Variants in GFPT2 observed in about 807,000 individuals in gnomAD.
GFPT2 encodes the protein glutamine--fructose-6-phosphate aminotransferase [isomerizing] 2.
In GFPT2, 62 loss-of-function variants were observed where a neutral mutation model predicts 85.6. That is an observed-to-expected ratio of 0.72 (90% CI 0.59 to 0.90). The LOEUF (loss-of-function observed/expected upper bound fraction) is 0.90. Among genes scored for constraint, GFPT2 ranks in the 40% least tolerant of loss-of-function variants. The pLI is 0.00. For synonymous variants in GFPT2, 368 were observed against 344.5 expected (o/e 1.07, Z -0.75); for missense variants, 788 against 893.4 (o/e 0.88, Z 1.50).
intron 15 of GFPT2, among the ~76,000 whole-genome samples, chr5:180,309,601 G>A (rs536634679): frequency 6.6e-6 from 1 of 151,930 alleles, no homozygotes; most frequent in Admixed American, 6.5e-5. Context: ...TAGTAGAGAT[G>A]GGGTTTCACT....
chr5:180,304,220 C>G (rs1195802947), intron 17 of GFPT2, among the ~76,000 whole-genome samples: 1 of 152,294 alleles, frequency 6.6e-6, no homozygotes, highest in South Asian at 2.1e-4. Flanking sequence ...TGATTTATAT[C>G]TTTTATAATA....
intron 7 of GFPT2, among the ~76,000 whole-genome samples, chr5:180,326,526 T>C (rs1764214087): frequency 6.6e-6 from 1 of 152,250 alleles, no homozygotes. Context: ...TCCAGTCACG[T>C]TGGCCTGTTT....
intron 13 of GFPT2, among the ~76,000 whole-genome samples, chr5:180,315,813 A>G (rs1367914679): frequency 2.0e-5 from 3 of 152,198 alleles, no homozygotes; most frequent in Admixed American, 6.5e-5. Context: ...GATGGGGTGC[A>G]TGTAGCTTGG....
At chr5:180,319,145 G>A (rs778554607) in intron 9 of GFPT2, among the ~76,000 whole-genome samples, 189 bp from the exon 10 acceptor site, 3 of 152,136 alleles carry the variant, frequency 2.0e-5, no homozygotes, top group East Asian at 3.9e-4. Flanking sequence ...CTGTCCCCAC[G>A]GAATTATTTT....
rs972203088 is a variant in GFPT2 at position 180,323,216 on chromosome 5, C to T, written c.794+972G>A. Among the ~76,000 whole-genome samples, 6 of 152,116 alleles carry T rather than the reference C, an allele frequency of 3.9e-5. No individual in the cohort carries two copies. The highest frequency in any genetic ancestry group is 8.8e-5 in the Non-Finnish European group (6 of 68,020). Reference sequence around the variant, plus strand: ...TTTAGAATCACTGAAATAATACCAGCGTCTCGTTGGTATTCTCGGCGTGTT... The same window carrying T: ...TTTAGAATCACTGAAATAATACCAGTGTCTCGTTGGTATTCTCGGCGTGTT... On this transcript the variant is annotated intron_variant, in intron 9 of 18. Coordinates refer to ENST00000253778, the MANE Select transcript of GFPT2 (RefSeq NM_005110.4). This position sits in a 1 kb window ranked among gnomAD's most constrained non-coding sequence, Gnocchi z 4.0.
intron 15 of GFPT2, among the ~76,000 whole-genome samples, chr5:180,310,132 C>T (rs368428193): frequency 1.7e-3 from 250 of 150,496 alleles, no homozygotes; most frequent in Middle Eastern, 0.014. Context: ...GATGAAGTCT[C>T]GCTCTTGTCG....
chr5:180,315,238 C>G (rs886271391), intron 13 of GFPT2, among the ~76,000 whole-genome samples: 1 of 150,726 alleles, frequency 6.6e-6, no homozygotes, highest in Non-Finnish European at 1.5e-5. Context: ...AGTGCAGTGG[C>G]GCGATCTCAG....
Position 180,316,711 on chromosome 5 carries a change from G to A in GFPT2, c.1152+53C>T, listed in dbSNP as rs974134662. 3.1e-6 allele frequency: 4 copies of A among 1,275,468 alleles called. No homozygotes were observed. The Admixed American group carries it at 5.5e-5, about 17-fold the overall frequency. The allele number at this position is 1,275,468 out of a possible 1,614,324, so 79.0% of individuals were successfully genotyped here. A position where few individuals can be genotyped will look rare whatever the true frequency, so the allele number is the denominator to read the frequency against. The stretch of plus-strand genomic sequence containing the variant: ...ACATGAGTGATAAAACTGAAGGCCA[G>A]TGTCTGGTCCTAGACTGCCGTCGAC... On this transcript the variant is annotated intron_variant, in intron 12 of 18. Transcript: ENST00000253778.
chr5:180,317,705 G>A (rs1581374876), intron 10 of GFPT2, among the ~76,000 whole-genome samples: 3 of 113,174 alleles, frequency 2.7e-5, no homozygotes, highest in South Asian at 6.3e-4. Context: ...CTTGCAGTGA[G>A]CCGAGATCGC....
intron 13 of GFPT2, among the ~76,000 whole-genome samples, chr5:180,315,990 C>T (rs58575540): frequency 0.024 from 3,633 of 152,328 alleles, 116 homozygotes; most frequent in East Asian, 0.14. Flanking sequence ...AAAGGAGATG[C>T]TTTTTCTATT....
chr5:180,317,586 C>G (rs548995476), intron 10 of GFPT2, among the ~76,000 whole-genome samples: 6 of 149,954 alleles, frequency 4.0e-5, no homozygotes, highest in Admixed American at 2.0e-4. Flanking sequence ...AGTGAAACCC[C>G]GTCTCTACTA....
intron 1 of GFPT2, chr5:180,352,362 G>GCA (rs762474206): frequency 7.2e-5 from 30 of 415,840 alleles, no homozygotes; most frequent in Non-Finnish European, 1.1e-4. Context: ...AAAAAAAAGA[G>GCA]CACAGTGACC....
At chr5:180,317,133 A>T in intron 10 of GFPT2, 75 bp from the exon 11 acceptor site, 1 of 970,652 alleles carries the variant, frequency 1.0e-6, no homozygotes, top group Admixed American at 1.7e-5. Context: ...AGCGATAGTA[A>T]CTCCTGTAAA....
At chr5:180,331,711 G>A (rs989913042) in intron 4 of GFPT2, 158 bp from the exon 5 acceptor site, 2 of 655,680 alleles carry the variant, frequency 3.1e-6, no homozygotes, top group Admixed American at 4.9e-5. Flanking sequence ...GATGTTTACG[G>A]CAGCAACTAC....
chr5:180,320,719 A>T (rs566202949), intron 9 of GFPT2, among the ~76,000 whole-genome samples: 8 of 152,332 alleles, frequency 5.3e-5, no homozygotes, highest in Admixed American at 3.9e-4. Flanking sequence ...GTGGGCTGAG[A>T]TTGTGCCACT....
At position 180,318,600 on chromosome 5, in the gene GFPT2, C is replaced by T. The variant is rs1469599215; in HGVS notation, c.958+193G>A. The T allele has an allele frequency of 2.4e-5, 14 of 577,390 alleles. No individual in the cohort carries two copies. Among genetic ancestry groups the T allele is most frequent in the South Asian group, 1.5e-4 (7 of 46,912 alleles). 35.8% of individuals were successfully genotyped at this position (577,390 alleles called of 1,614,324 possible). On this transcript the variant is annotated intron_variant, in intron 10 of 18. Coordinates refer to ENST00000253778, the MANE Select transcript of GFPT2 (RefSeq NM_005110.4). The surrounding 1 kb of genome is among the most constrained non-coding windows in gnomAD (Gnocchi z 4.2). Reference sequence around the variant, plus strand: ...GCGGCTGGCTGCACACAGGAGCCCCCGCTTGGAGGTGCCAGGCCAGCCTCC... The same window carrying T: ...GCGGCTGGCTGCACACAGGAGCCCCTGCTTGGAGGTGCCAGGCCAGCCTCC...
intron 1 of GFPT2, among the ~76,000 whole-genome samples, chr5:180,351,908 C>A (rs958836564): frequency 1.3e-5 from 2 of 152,182 alleles, no homozygotes; most frequent in African/African-American, 4.8e-5. Flanking sequence ...CCCAAGGCCA[C>A]CAGTTTTGGC....
At position 180,330,727 on chromosome 5, in the gene GFPT2, C is replaced by T. The variant is rs765462467; in HGVS notation, c.507G>A (p.Thr169=). The T allele has an allele frequency of 1.9e-6, 3 of 1,613,108 alleles. No homozygotes were observed. The highest frequency in any genetic ancestry group is 1.3e-5 in the African/African-American group (1 of 75,018). The change falls in exon 6 of 19, where the codon ACG becomes ACA. Residue 169 remains threonine, a synonymous_variant. Coordinates refer to ENST00000253778, the MANE Select transcript of GFPT2 (RefSeq NM_005110.4). The surrounding 1 kb of genome is among the most constrained non-coding windows in gnomAD (Gnocchi z 4.4). The part of the protein sequence containing the change: ...NRETEDITFS[T]LVERVIQQLE... ...ACTGCTGAATGACTCTCTCGACCAA[C>T]GTTGAAAACGTAATGTCCTCAGTTT... is the stretch of plus-strand genomic sequence containing the variant.
intron 18 of GFPT2, among the ~76,000 whole-genome samples, chr5:180,301,940 A>C (rs1445334915): frequency 1.9e-5 from 2 of 105,190 alleles, no homozygotes; most frequent in Non-Finnish European, 4.3e-5. Context: ...TATGAATTCC[A>C]TGGGACTTAT....
Sources: gnomAD v4.1 joint callset for allele counts (sites outside exome capture counted in the v4.1 genomes callset) on GRCh38, gnomAD v4.1.1 for gene constraint, Gnocchi (gnomAD v3.1) non-coding constraint, MANE v1.5 for transcripts, NCBI Gene and HGNC (gene_info 2026-07-23, HGNC 2026-07-21) for gene names.